ZZZ3: variants seen among roughly 807,000 people sequenced by gnomAD.
The protein encoded by ZZZ3 is ZZ-type zinc finger-containing protein 3.
ZZZ3 carries 22 observed loss-of-function variants against 95.2 expected under a neutral mutation model. That is an observed-to-expected ratio of 0.23 (90% CI 0.17 to 0.33). The LOEUF is 0.33. Ranked by LOEUF, ZZZ3 falls within the 10% of genes least tolerant of loss-of-function variation. The probability of loss-of-function intolerance (pLI) is 1.00; values close to 1 mark genes in which losing one functional copy is unlikely to be tolerated. For synonymous variants in ZZZ3, 335 were observed against 358.9 expected, an observed-to-expected ratio of 0.93 and a Z score of 0.75; for missense variants, 885 against 1,066.5, an observed-to-expected ratio of 0.83 and a Z score of 2.37.
At chr1:77,648,075 C>T (rs1469004021) in intron 1 of ZZZ3, among the ~76,000 whole-genome samples, 1 of 152,028 alleles carries the variant, frequency 6.6e-6, no homozygotes, top group African/African-American at 2.4e-5. Flanking sequence ...AATTACCAAA[C>T]AGGCCAAGTG....
In ZZZ3 at chr1:77,641,645, T is replaced by C. The variant is rs1287848031; in HGVS notation, c.-392A>G. On this transcript the variant is annotated 5_prime_UTR_variant, in exon 2 of 15. Transcript: ENST00000370801. ...ATTTATTTATATGGTTGTACTAGAA[T>C]AACTTGATATCTGTGAAGAGAAACC... The C allele has an allele frequency of 2.5e-6, 1 of 397,890 alleles. No homozygotes were observed. Among genetic ancestry groups the C allele is most frequent in the East Asian group, 3.6e-5 (1 of 27,970 alleles). 24.6% of individuals were successfully genotyped at this position (397,890 alleles called of 1,614,324 possible). A position where few individuals can be genotyped will look rare whatever the true frequency, so the allele number is the denominator to read the frequency against.
rs1660607247 is a variant in ZZZ3 at position 77,563,782 on chromosome 1, C to G, written c.*1858G>C. On this transcript the variant is annotated 3_prime_UTR_variant, in exon 15 of 15. Coordinates refer to ENST00000370801, the MANE Select transcript of ZZZ3 (RefSeq NM_015534.6). ...GAATGCTAATGATTCCCCTCTTCAC[C>G]CACTAATAATTCCAGGGTGAGAAGT... 1 of 152,100 alleles carries G rather than the reference C, an allele frequency of 6.6e-6. No homozygotes were observed. The highest frequency in any genetic ancestry group is 1.5e-5 in the Non-Finnish European group (1 of 68,014). The allele number at this position is 152,100 out of a possible 1,614,324, so 9.4% of individuals were successfully genotyped here.
In ZZZ3 at chr1:77,563,305, T is replaced by C. The variant is rs1406228424; in HGVS notation, c.*2335A>G. On this transcript the variant is annotated 3_prime_UTR_variant, in exon 15 of 15. Transcript: ENST00000370801. ...AATTCTATGTAGGCAGATGGTAGCC[T>C]ACCGGCAAATGACAGCTCTGCCCAT... The C allele has an allele frequency of 6.6e-6, 1 of 152,228 alleles. No homozygotes were observed. The highest frequency in any genetic ancestry group is 1.5e-5 in the Non-Finnish European group (1 of 68,038). The allele number at this position is 152,228 out of a possible 1,614,324, so 9.4% of individuals were successfully genotyped here.
At chr1:77,637,633 G>A (rs963432233) in intron 4 of ZZZ3, among the ~76,000 whole-genome samples, 1 of 152,104 alleles carries the variant, frequency 6.6e-6, no homozygotes, top group Non-Finnish European at 1.5e-5. Context: ...TTTGAGAACT[G>A]CCTGGACAAT....
intron 9 of ZZZ3, 62 bp from the exon 10 acceptor site, chr1:77,579,690 T>C: frequency 1.1e-6 from 1 of 923,656 alleles, no homozygotes; most frequent in Non-Finnish European, 1.7e-6. Context: ...ATTGGATTTC[T>C]AAATAAATAC....
At chr1:77,653,051 G>A (rs1306455469) in intron 1 of ZZZ3, among the ~76,000 whole-genome samples, 2 of 152,162 alleles carry the variant, frequency 1.3e-5, no homozygotes, top group African/African-American at 4.8e-5. Flanking sequence ...GCCAGGTATA[G>A]TTGCACATGC....
chr1:77,680,818 AAC>A (rs1672687813), intron 1 of ZZZ3, among the ~76,000 whole-genome samples: 2 of 152,186 alleles, frequency 1.3e-5, no homozygotes. Flanking sequence ...TTAAATACAT[AAC>A]ACACATTAAA....
At chr1:77,614,239 G>T (rs1487867301) in intron 5 of ZZZ3, among the ~76,000 whole-genome samples, 1 of 152,190 alleles carries the variant, frequency 6.6e-6, no homozygotes, top group Middle Eastern at 3.4e-3. Flanking sequence ...CTGTAAAACC[G>T]GATGCCTCTC....
In ZZZ3 at chr1:77,679,993, T is replaced by C. The variant is rs184476867; in HGVS notation, c.-403+2592A>G. On this transcript the variant is annotated intron_variant, in intron 1 of 14. Transcript: ENST00000370801. ...TCATAGATCAGATGCACGTGGACTA[T>C]TAAAGGCCCAGTTACCAAGCTAAAC... Among the ~76,000 whole-genome samples the C allele has an allele frequency of 1.6e-3, 240 of 152,344 alleles. 2 individuals carry two copies. The highest frequency in any genetic ancestry group is 4.9e-4 in the Non-Finnish European group (33 of 68,036).
chr1:77,570,915 T>A (rs1246021558), intron 12 of ZZZ3, among the ~76,000 whole-genome samples: 1 of 149,388 alleles, frequency 6.7e-6, no homozygotes, highest in Non-Finnish European at 1.5e-5. Flanking sequence ...AGTGATTTGC[T>A]CATCTAGGCC....
chr1:77,576,210 CTTG>C lies in ZZZ3; in HGVS notation c.2186_2188del (p.Thr729del). ...CTTATTAAGAGGGTGCTGTCGTCTG[CTTG>C]TTGAAGACTAAGTAAGAAAACAAAT... On this transcript the variant is annotated inframe_deletion, in exon 12 of 15. Coordinates refer to ENST00000370801, the MANE Select transcript of ZZZ3 (RefSeq NM_015534.6). 2 of 1,593,238 alleles carry C rather than the reference CTTG, an allele frequency of 1.3e-6. No homozygotes were observed. The highest frequency in any genetic ancestry group is 1.7e-6 in the Non-Finnish European group (2 of 1,174,016).
chr1:77,591,099 T>C (rs1336224835), intron 5 of ZZZ3, among the ~76,000 whole-genome samples: 1 of 152,226 alleles, frequency 6.6e-6, no homozygotes, highest in Non-Finnish European at 1.5e-5. Context: ...CTATGAACAC[T>C]GAGCCTCATT....
At chr1:77,657,631 C>A (rs1275372242) in intron 1 of ZZZ3, among the ~76,000 whole-genome samples, 1 of 152,104 alleles carries the variant, frequency 6.6e-6, no homozygotes, top group African/African-American at 2.4e-5. Flanking sequence ...AAATTTTAGC[C>A]AGTAAATGAG....
At chr1:77,577,535 A>G (rs1662081757) in intron 11 of ZZZ3, among the ~76,000 whole-genome samples, 1 of 152,232 alleles carries the variant, frequency 6.6e-6, no homozygotes, top group South Asian at 2.1e-4. Flanking sequence ...TTTTTTTTTA[A>G]TGTGTAAAAC....
chr1:77,592,060 C>T (rs960065915), intron 5 of ZZZ3, among the ~76,000 whole-genome samples: 2 of 152,144 alleles, frequency 1.3e-5, no homozygotes. Flanking sequence ...CTCCAGCCCC[C>T]AAGGAGAGTT....
chr1:77,631,262 T>A (rs1174095328), intron 5 of ZZZ3, among the ~76,000 whole-genome samples: 1 of 152,216 alleles, frequency 6.6e-6, no homozygotes, highest in East Asian at 1.9e-4. Flanking sequence ...AAATGTTTTA[T>A]GTAAACTATC....
intron 1 of ZZZ3, among the ~76,000 whole-genome samples, chr1:77,648,068 T>C (rs1669455640): frequency 6.6e-6 from 1 of 152,108 alleles, no homozygotes; most frequent in African/African-American, 2.4e-5. Flanking sequence ...AATCAGAAAT[T>C]ACCAAACAGG....
chr1:77,565,980 G>A, intron 14 of ZZZ3, 101 bp downstream of exon 14: 2 of 1,117,230 alleles, frequency 1.8e-6, no homozygotes, highest in Non-Finnish European at 1.3e-6. Flanking sequence ...TTCACTAAGT[G>A]TGGGTATTAA....
At chr1:77,612,629 T>A (rs1665923156) in intron 5 of ZZZ3, among the ~76,000 whole-genome samples, 1 of 152,082 alleles carries the variant, frequency 6.6e-6, no homozygotes, top group Non-Finnish European at 1.5e-5. Context: ...TACTGCCATT[T>A]GCCACAACAC....
Sources: allele counts gnomAD v4.1 joint callset (sites outside exome capture counted in the v4.1 genomes callset), GRCh38; gene constraint gnomAD v4.1.1; transcripts MANE v1.5; gene names NCBI Gene and HGNC (gene_info 2026-07-23, HGNC 2026-07-21).